Variants in FUNDC2 observed in about 807,000 individuals in gnomAD.
FUNDC2 encodes the protein FUN14 domain containing 2.
FUNDC2 carries 4 observed loss-of-function variants against 15.6 expected under a neutral mutation model. The ratio of observed to expected loss-of-function variants is 0.26; its 90% confidence interval spans 0.13 to 0.59. The LOEUF is 0.59. Among genes scored for constraint, FUNDC2 ranks in the 20% least tolerant of loss-of-function variants. The pLI, the probability that FUNDC2 is intolerant of heterozygous loss-of-function variation, is 0.90. For missense variants in FUNDC2, 98 were observed against 149.7 expected (o/e 0.65, Z 1.80); for synonymous variants, 44 against 56.9 (o/e 0.77, Z 1.02).
In FUNDC2 at chrX:155,046,594, T is replaced by C. The variant is rs370826962; in HGVS notation, c.360+10T>C. 1.7e-6 allele frequency: 2 copies of C among 1,181,037 alleles called. No homozygotes were observed. The highest frequency in any genetic ancestry group is 2.3e-6 in the Non-Finnish European group (2 of 868,689). On this transcript the variant is annotated intron_variant, in intron 3 of 4. Coordinates refer to ENST00000369498, the MANE Select transcript of FUNDC2 (RefSeq NM_023934.4). ...ATTTTTTCTCCTTCAGGTCTGTATG[T>C]GAAATGTTCTCAGATGTTTGGAAAT...
At chrX:155,041,526 G>A (rs1223934900) in intron 2 of FUNDC2, among the ~76,000 whole-genome samples, 1 of 109,577 alleles carries the variant, frequency 9.1e-6, no homozygotes, top group African/African-American at 3.3e-5. Flanking sequence ...TATATTGCTG[G>A]TCTGCTGGGG....
Position 155,055,572 on chromosome X carries a change from A to AATC in FUNDC2, c.*901_*903dup, listed in dbSNP as rs1369588467. The AATC allele has an allele frequency of 4.1e-6, 1 of 243,120 alleles. No individual in the cohort carries two copies. Among genetic ancestry groups the AATC allele is most frequent in the Non-Finnish European group, 7.3e-6 (1 of 137,389 alleles). The allele number at this position is 243,120 out of a possible 1,213,427, so 20.0% of individuals were successfully genotyped here. ...TGAGAAATAAATTTCCATCAAGTGT[A>AATC]ATCTACCGTCTCATGATGACCACAA... is the stretch of plus-strand genomic sequence containing the variant. On this transcript the variant is annotated 3_prime_UTR_variant, in exon 5 of 5. Transcript: ENST00000369498.
At chrX:155,027,131 G>A (rs1557288331) in intron 1 of FUNDC2, 60 bp downstream of exon 1, 2 of 1,032,030 alleles carry the variant, frequency 1.9e-6, no homozygotes, top group Non-Finnish European at 2.5e-6. Flanking sequence ...GGCTCCGGAA[G>A]GGGAAGGGCT....
At position 155,057,502 on chromosome X, in the gene FUNDC2, G is replaced by C. The variant is rs1417635328; in HGVS notation, c.*2830G>C. ...CGCTGTATATGGTCCGCAGAAACTT[G>C]ACTTGGAATGTGTTCGGGGTTTCAT... On this transcript the variant is annotated 3_prime_UTR_variant, in exon 5 of 5. Coordinates refer to ENST00000369498, the MANE Select transcript of FUNDC2 (RefSeq NM_023934.4). The C allele has an allele frequency of 1.8e-5, 2 of 111,908 alleles. No individual in the cohort carries two copies. Among genetic ancestry groups the C allele is most frequent in the South Asian group, 3.7e-4 (1 of 2,720 alleles). The allele number at this position is 111,908 out of a possible 1,213,427, so 9.2% of individuals were successfully genotyped here.
chrX:155,053,031 G>A lies in FUNDC2; in HGVS notation c.492+1230G>A, dbSNP rs781974867. On this transcript the variant is annotated intron_variant, in intron 4 of 4. Coordinates refer to ENST00000369498, the MANE Select transcript of FUNDC2 (RefSeq NM_023934.4). ...CTATAGGTGTGTACCACCACACCCGGTGAAGTTTTAAATTTTTTGGAGAGA... is the reference window on the plus strand; with the variant it reads ...CTATAGGTGTGTACCACCACACCCGATGAAGTTTTAAATTTTTTGGAGAGA... Among the ~76,000 whole-genome samples the A allele has an allele frequency of 9.0e-5, 10 of 111,379 alleles. No individual in the cohort carries two copies. In the East Asian group the frequency reaches 2.8e-3, roughly 32 times the overall value.
chrX:155,038,158 G>A (rs1434851875), intron 2 of FUNDC2, among the ~76,000 whole-genome samples: 3 of 110,006 alleles, frequency 2.7e-5, no homozygotes, highest in African/African-American at 9.9e-5. Flanking sequence ...ACCTGGGAGG[G>A]GGAGGTTGTA....
At chrX:155,028,902 C>G (rs1433098739) in intron 1 of FUNDC2, among the ~76,000 whole-genome samples, 2 of 111,882 alleles carry the variant, frequency 1.8e-5, no homozygotes, top group Non-Finnish European at 3.8e-5. Flanking sequence ...GAACCCTCCT[C>G]TTTCCCTTGC....
chrX:155,059,152 G>A lies in FUNDC2; in HGVS notation c.*4480G>A, dbSNP rs1409991775. The stretch of plus-strand genomic sequence containing the variant: ...AAGTACACAGTTGGAAGCTGGTGCT[G>A]AAAAAATTAAGAGTTTTGCTGTTAA... On this transcript the variant is annotated 3_prime_UTR_variant, in exon 5 of 5. Coordinates refer to ENST00000369498, the MANE Select transcript of FUNDC2 (RefSeq NM_023934.4). 1.8e-5 allele frequency: 2 copies of A among 112,409 alleles called. No individual in the cohort carries two copies. The highest frequency in any genetic ancestry group is 3.2e-5 in the African/African-American group (1 of 30,910). The allele number at this position is 112,409 out of a possible 1,213,427, so 9.3% of individuals were successfully genotyped here. A position where few individuals can be genotyped will look rare whatever the true frequency, so the allele number is the denominator to read the frequency against.
In FUNDC2 at chrX:155,055,192, G is replaced by A. The variant is rs1440982669; in HGVS notation, c.*520G>A. The A allele has an allele frequency of 6.8e-6, 2 of 295,721 alleles. No individual in the cohort carries two copies. The highest frequency in any genetic ancestry group is 6.1e-5 in the Admixed American group (1 of 16,287). 24.4% of individuals were successfully genotyped at this position (295,721 alleles called of 1,213,427 possible). A position where few individuals can be genotyped will look rare whatever the true frequency, so the allele number is the denominator to read the frequency against. On this transcript the variant is annotated 3_prime_UTR_variant, in exon 5 of 5. Transcript: ENST00000369498. ...TATTTAAATGTGTTATAATTATGCC[G>A]ACAAAATTGGCAGCATAATTACTGT...
Position 155,057,027 on chromosome X carries a change from AGGTTGGCCTCATCCT to A in FUNDC2, c.*2357_*2371del, listed in dbSNP as rs2073904717. On this transcript the variant is annotated 3_prime_UTR_variant, in exon 5 of 5. Coordinates refer to ENST00000369498, the MANE Select transcript of FUNDC2 (RefSeq NM_023934.4). ...GGGTCATGGTTGAGGTCAGTATTGC[AGGTTGGCCTCATCCT>A]GCTAGTATGAGAACGGCTGTGAGTT... The A allele has an allele frequency of 1.0e-5, 1 of 99,800 alleles. No homozygotes were observed. Among genetic ancestry groups the A allele is most frequent in the Non-Finnish European group, 2.1e-5 (1 of 47,297 alleles). 8.2% of individuals were successfully genotyped at this position (99,800 alleles called of 1,213,427 possible). A position where few individuals can be genotyped will look rare whatever the true frequency, so the allele number is the denominator to read the frequency against.
chrX:155,053,865 T>C (rs1024441605), intron 4 of FUNDC2: 1 of 750,428 alleles, frequency 1.3e-6, no homozygotes, highest in Non-Finnish European at 1.6e-6. Context: ...GAGCCACTTA[T>C]CAAAATTGTC....
At chrX:155,027,697 TAAAAAC>T (rs1557288408) in intron 1 of FUNDC2, among the ~76,000 whole-genome samples, 1 of 112,444 alleles carries the variant, frequency 8.9e-6, no homozygotes, top group Non-Finnish European at 1.9e-5. Flanking sequence ...TAAATTATGT[TAAAAAC>T]AAAGGCAGTG....
intron 4 of FUNDC2, among the ~76,000 whole-genome samples, chrX:155,052,792 A>G (rs17051933): frequency 0.016 from 1,849 of 112,347 alleles, 38 homozygotes; most frequent in African/African-American, 0.058. Context: ...CAAAGTTAGG[A>G]AAGTTACATT....
At chrX:155,033,679 G>A (rs2073822863) in intron 2 of FUNDC2, 126 bp downstream of exon 2, 1 of 566,688 alleles carries the variant, frequency 1.8e-6, no homozygotes. Context: ...TTAATGTGGA[G>A]CATGTATCTA....
rs782427190 is a variant in FUNDC2, at chrX:155,057,778, G to C, written c.*3106G>C. 2 of 111,538 alleles carry C rather than the reference G, an allele frequency of 1.8e-5. No individual in the cohort carries two copies. The highest frequency in any genetic ancestry group is 6.5e-5 in the African/African-American group (2 of 30,595). The allele number at this position is 111,538 out of a possible 1,213,427, so 9.2% of individuals were successfully genotyped here. A position where few individuals can be genotyped will look rare whatever the true frequency, so the allele number is the denominator to read the frequency against. On this transcript the variant is annotated 3_prime_UTR_variant, in exon 5 of 5. Coordinates refer to ENST00000369498, the MANE Select transcript of FUNDC2 (RefSeq NM_023934.4). ...GGACCTGGTGGGATGGGGACTTGGA[G>C]CATGCTACAGGAGAGGTAGAACTTT...
In FUNDC2 at chrX:155,056,615, C is replaced by G. The variant is rs782319447; in HGVS notation, c.*1943C>G. 1.8e-5 allele frequency: 2 copies of G among 110,130 alleles called. No homozygotes were observed. The highest frequency in any genetic ancestry group is 3.9e-4 in the South Asian group (1 of 2,558). The allele number at this position is 110,130 out of a possible 1,213,427, so 9.1% of individuals were successfully genotyped here. A position where few individuals can be genotyped will look rare whatever the true frequency, so the allele number is the denominator to read the frequency against. On this transcript the variant is annotated 3_prime_UTR_variant, in exon 5 of 5. Coordinates refer to ENST00000369498, the MANE Select transcript of FUNDC2 (RefSeq NM_023934.4). ...ACTGAGTCATCTGTTTCCTGCTTCC[C>G]CACACTCTGCCTCTCCTGACATCTG...
intron 2 of FUNDC2, among the ~76,000 whole-genome samples, chrX:155,033,925 A>T (rs781812352): frequency 8.9e-6 from 1 of 112,625 alleles, no homozygotes; most frequent in Non-Finnish European, 1.9e-5. Context: ...GCTATGTCAG[A>T]TGATAACTTA....
chrX:155,034,877 A>G (rs1351817377), intron 2 of FUNDC2, among the ~76,000 whole-genome samples: 2 of 108,949 alleles, frequency 1.8e-5, no homozygotes, highest in Non-Finnish European at 3.8e-5. Context: ...TTTCAGTTCC[A>G]CTCTAGTTTT....
chrX:155,058,629 G>A lies in FUNDC2; in HGVS notation c.*3957G>A, dbSNP rs1282139155. 1 of 109,994 alleles carries A rather than the reference G, an allele frequency of 9.1e-6. No individual in the cohort carries two copies. 9.1% of individuals were successfully genotyped at this position (109,994 alleles called of 1,213,427 possible). On this transcript the variant is annotated 3_prime_UTR_variant, in exon 5 of 5. Transcript: ENST00000369498. ...CTTCATTTCTTTGTCATGAAATCTA[G>A]TATGATTTCTCAGAAATCAGGCCCA... is the stretch of plus-strand genomic sequence containing the variant.
Sources: gnomAD v4.1 joint callset for allele counts (sites outside exome capture counted in the v4.1 genomes callset) on GRCh38, gnomAD v4.1.1 for gene constraint, MANE v1.5 for transcripts, NCBI Gene and HGNC (gene_info 2026-07-23, HGNC 2026-07-21) for gene names.